Variants in LDLRAD4 observed in about 807,000 individuals in gnomAD.
LDLRAD4 encodes the protein low-density lipoprotein receptor class A domain-containing protein 4.
Under a neutral mutation model 17.0 loss-of-function variants are expected in LDLRAD4, and 5 were observed. The observed-to-expected ratio is 0.29, with a 90% CI of 0.15 to 0.62. The LOEUF (loss-of-function observed/expected upper bound fraction) is 0.62. LDLRAD4 is among the 20% of genes least tolerant of loss of function. The pLI, the probability that LDLRAD4 is intolerant of heterozygous loss-of-function variation, is 0.84. For missense variants in LDLRAD4, 340 were observed against 424.7 expected (o/e 0.80, Z 1.75); for synonymous variants, 168 against 171.8 (o/e 0.98, Z 0.17).
intron 1 of LDLRAD4, among the ~76,000 whole-genome samples, chr18:13,291,100 G>C (rs1022256059): frequency 1.3e-5 from 2 of 152,206 alleles, no homozygotes; most frequent in Non-Finnish European, 2.9e-5. Context: ...GATGGAGTTT[G>C]GGCCTCTGAG....
At chr18:13,230,232 G>C (rs972076508) in intron 1 of LDLRAD4, among the ~76,000 whole-genome samples, 5 of 152,118 alleles carry the variant, frequency 3.3e-5, no homozygotes, top group Non-Finnish European at 1.5e-5. Flanking sequence ...GATCTTGGAC[G>C]TCCCATCCAC....
At position 13,385,521 on chromosome 18, in the gene LDLRAD4, A is replaced by C. The variant is rs749846178; in HGVS notation, c.-382-1820A>C. 1.3e-5 allele frequency among the ~76,000 whole-genome samples: 2 copies of C among 152,124 alleles called. 1 individual carries two copies. The highest frequency in any genetic ancestry group is 4.2e-4 in the South Asian group (2 of 4,810). ...ACTTCTGCAATGAAACAAATAGACA[A>C]AATTCCCACAATAAAACAACAGCAA... On this transcript the variant is annotated intron_variant, in intron 1 of 5. Transcript: ENST00000359446.
chr18:13,543,570 G>A (rs1323032060), intron 3 of LDLRAD4: 1 of 152,220 alleles, frequency 6.6e-6, no homozygotes, highest in Non-Finnish European at 1.5e-5. Flanking sequence ...GAATTTACAT[G>A]ATTGCATTAT....
At chr18:13,595,060 T>TA (rs1568384130) in intron 3 of LDLRAD4, among the ~76,000 whole-genome samples, 1 of 152,186 alleles carries the variant, frequency 6.6e-6, no homozygotes, top group Non-Finnish European at 1.5e-5. Flanking sequence ...TAGTCACTTT[T>TA]ATCATTGTAA....
intron 2 of LDLRAD4, among the ~76,000 whole-genome samples, chr18:13,399,235 T>C (rs1378615373): frequency 6.6e-6 from 1 of 152,122 alleles, no homozygotes; most frequent in Non-Finnish European, 1.5e-5. Context: ...AGACGCTGTA[T>C]GTATTTTGCC....
At chr18:13,619,413 G>A (rs1193046108) in intron 3 of LDLRAD4, among the ~76,000 whole-genome samples, 2 of 150,476 alleles carry the variant, frequency 1.3e-5, no homozygotes, top group Admixed American at 6.8e-5. Context: ...CCTGCTCGAA[G>A]ACTCAGAGCA....
intron 3 of LDLRAD4, among the ~76,000 whole-genome samples, chr18:13,449,646 A>G (rs1159148089): frequency 4.6e-5 from 7 of 152,252 alleles, no homozygotes; most frequent in Admixed American, 3.9e-4. Context: ...TGGCTCTGCC[A>G]TGGCGCTATC....
At chr18:13,399,281 G>A (rs955487706) in intron 2 of LDLRAD4, among the ~76,000 whole-genome samples, 2 of 152,194 alleles carry the variant, frequency 1.3e-5, no homozygotes, top group Non-Finnish European at 2.9e-5. Context: ...TTATACACAT[G>A]TGCATGTTCC....
chr18:13,448,255 C>T (rs574738450), intron 3 of LDLRAD4, among the ~76,000 whole-genome samples: 17 of 152,278 alleles, frequency 1.1e-4, no homozygotes, highest in African/African-American at 3.1e-4. Flanking sequence ...GGGTGACCTG[C>T]GTTAATTGTG....
chr18:13,640,863 G>A (rs557492726), intron 4 of LDLRAD4, among the ~76,000 whole-genome samples: 1 of 152,342 alleles, frequency 6.6e-6, no homozygotes, highest in Admixed American at 6.5e-5. Context: ...TGGGTTCACA[G>A]GCCTTAAGAA....
In LDLRAD4 at chr18:13,621,080, G is replaced by A. The variant is rs745709079; in HGVS notation, c.182-37G>A. 1 of 1,613,954 alleles carries A rather than the reference G, an allele frequency of 6.2e-7. No homozygotes were observed. Among genetic ancestry groups the A allele is most frequent in the Admixed American group, 1.7e-5 (1 of 60,024 alleles). Reference sequence around the variant, plus strand: ...CCTGGAGAATGGGTGGGGACTGGAGGGGCCAGGTGGCTAACCACTCTCCTC... The same window carrying A: ...CCTGGAGAATGGGTGGGGACTGGAGAGGCCAGGTGGCTAACCACTCTCCTC... On this transcript the variant is annotated intron_variant, in intron 3 of 5. Coordinates refer to ENST00000359446, the Ensembl canonical transcript of LDLRAD4. The surrounding 1 kb of genome is among the most constrained non-coding windows in gnomAD (Gnocchi z 5.5).
intron 1 of LDLRAD4, among the ~76,000 whole-genome samples, chr18:13,301,092 G>A (rs529740684): frequency 2.0e-5 from 3 of 152,342 alleles, no homozygotes; most frequent in Admixed American, 2.0e-4. Context: ...GGTTGGGGGG[G>A]TACAGGTGTT....
chr18:13,641,556 ACACT>A lies in LDLRAD4; in HGVS notation c.337-1800_337-1797del, dbSNP rs1314093544. The stretch of plus-strand genomic sequence containing the variant: ...GCCTAGGGCAGCGGCCTCTGCCCAG[ACACT>A]CAGTGCTGCAGAACAGGAGGGAGGC... On this transcript the variant is annotated intron_variant, in intron 4 of 5. Coordinates refer to ENST00000359446, the Ensembl canonical transcript of LDLRAD4. Among the ~76,000 whole-genome samples the A allele has an allele frequency of 1.3e-4, 20 of 152,126 alleles. No homozygotes were observed. The Admixed American group carries it at 1.3e-3, about 10-fold the overall frequency.
chr18:13,439,298 A>G (rs2090870499), intron 3 of LDLRAD4, among the ~76,000 whole-genome samples: 1 of 152,204 alleles, frequency 6.6e-6, no homozygotes, highest in African/African-American at 2.4e-5. Flanking sequence ...TAAAAAAAGA[A>G]ACTATTTTCT....
At chr18:13,412,156 G>T (rs9646474) in intron 2 of LDLRAD4, among the ~76,000 whole-genome samples, 104,499 of 152,118 alleles carry the variant, frequency 0.69, 38,801 homozygotes, top group Non-Finnish European at 0.82. Flanking sequence ...ACTGAGTTCT[G>T]AAGTTAGTAT....
intron 1 of LDLRAD4, among the ~76,000 whole-genome samples, chr18:13,368,095 T>A (rs2084198945): frequency 6.6e-6 from 1 of 152,050 alleles, no homozygotes; most frequent in Admixed American, 6.6e-5. Context: ...CCTGGGTATA[T>A]CTGGGGGTGG....
chr18:13,584,976 A>T (rs998163576), intron 3 of LDLRAD4, among the ~76,000 whole-genome samples: 2 of 152,230 alleles, frequency 1.3e-5, no homozygotes, highest in Non-Finnish European at 2.9e-5. Flanking sequence ...GCCTGGTGAA[A>T]TATTAGATAA....
intron 3 of LDLRAD4, among the ~76,000 whole-genome samples, chr18:13,553,272 G>A (rs753778687): frequency 5.3e-5 from 8 of 152,142 alleles, no homozygotes; most frequent in Admixed American, 2.0e-4. Context: ...GTATGCTTGC[G>A]TGTTTGTGAC....
chr18:13,465,856 C>T (rs754644393), intron 3 of LDLRAD4, among the ~76,000 whole-genome samples: 6 of 152,130 alleles, frequency 3.9e-5, no homozygotes, highest in Non-Finnish European at 7.3e-5. Context: ...TAAGTTAGGC[C>T]TCTCTTGTCT....
Sources: gnomAD v4.1 joint callset for allele counts (sites outside exome capture counted in the v4.1 genomes callset) on GRCh38, gnomAD v4.1.1 for gene constraint, Gnocchi (gnomAD v3.1) non-coding constraint, MANE v1.5 for transcripts, NCBI Gene and HGNC (gene_info 2026-07-23, HGNC 2026-07-21) for gene names.